MED24: variants seen among roughly 807,000 people sequenced by gnomAD.
MED24 encodes mediator of RNA polymerase II transcription subunit 24.
Under a neutral mutation model 118.8 loss-of-function variants are expected in MED24, and 74 were observed. That is an observed-to-expected ratio of 0.62 (90% CI 0.52 to 0.76). The LOEUF (loss-of-function observed/expected upper bound fraction) is 0.76, where lower values mean the gene tolerates loss of function less well. Among genes scored for constraint, MED24 ranks in the 30% least tolerant of loss-of-function variants. The pLI, the probability that MED24 is intolerant of heterozygous loss-of-function variation, is 0.00. For synonymous variants in MED24, 521 were observed against 523.9 expected, an observed-to-expected ratio of 0.99 and a Z score of 0.08; for missense variants, 1,041 against 1,278.9, an observed-to-expected ratio of 0.81 and a Z score of 2.84.
intron 19 of MED24, 68 bp downstream of exon 19, chr17:40,026,088 T>C (rs1982613929): frequency 6.6e-7 from 1 of 1,505,046 alleles, no homozygotes; most frequent in Admixed American, 1.9e-5. Context: ...GAGGGGTGCT[T>C]GTTATTGGAT....
intron 14 of MED24, 136 bp from the exon 15 acceptor site, chr17:40,028,082 T>C: frequency 5.5e-6 from 5 of 902,476 alleles, no homozygotes; most frequent in African/African-American, 1.7e-5. Context: ...CACATTGCTA[T>C]AGAAAAAAGG....
chr17:40,035,464 T>A, intron 5 of MED24, 115 bp from the exon 6 acceptor site: 1 of 1,181,886 alleles, frequency 8.5e-7, no homozygotes, highest in Non-Finnish European at 1.2e-6. Context: ...GCTGAGAAGC[T>A]AGCAAAGTCC....
intron 3 of MED24, among the ~76,000 whole-genome samples, chr17:40,043,986 G>A (rs1322852893): frequency 2.6e-5 from 4 of 151,172 alleles, no homozygotes; most frequent in Admixed American, 6.6e-5. Flanking sequence ...AAGATTAGCC[G>A]GGCGTGGTGG....
At chr17:40,052,152 G>T (rs1472787005) in intron 3 of MED24, among the ~76,000 whole-genome samples, 1 of 152,064 alleles carries the variant, frequency 6.6e-6, no homozygotes, top group South Asian at 2.1e-4. Flanking sequence ...AATTAGCCAG[G>T]CGTGATGGCA....
intron 9 of MED24, 119 bp downstream of exon 9, chr17:40,032,530 T>A (rs548907142): frequency 2.2e-4 from 157 of 714,138 alleles, no homozygotes; most frequent in Admixed American, 5.7e-4. Context: ...TGCACTGGAA[T>A]ACCTGGCAGG....
chr17:40,046,553 G>A (rs1276426745), intron 3 of MED24, among the ~76,000 whole-genome samples: 3 of 145,762 alleles, frequency 2.1e-5, no homozygotes, highest in Admixed American at 6.9e-5. Flanking sequence ...AGACCATCCC[G>A]GCTAAAACGG....
chr17:40,050,993 G>T (rs1298362804), intron 3 of MED24, among the ~76,000 whole-genome samples: 2 of 152,184 alleles, frequency 1.3e-5, no homozygotes, highest in Non-Finnish European at 2.9e-5. Context: ...AAAATTAGCC[G>T]GGTGTAATGG....
At position 40,023,239 on chromosome 17, in the gene MED24, A is replaced by G. The variant is rs2302777; in HGVS notation, c.2142T>C (p.Ile714=). Residue 714 remains isoleucine, a synonymous_variant, in exon 20 of 26, where the codon ATT becomes ATC. Transcript: ENST00000394128. ...AGCCCTTCTCCAGCACCTTGGCAAA[A>G]ATGTCCGTCAGCACCTCTTTGATGG... The part of the protein sequence containing the change: ...KRPIKEVLTD[I]FAKVLEKGWV... 601,109 of 1,613,750 alleles carry G rather than the reference A, an allele frequency of 0.37. 116,448 individuals are homozygous for G. Among genetic ancestry groups the G allele is most frequent in the Middle Eastern group, 0.51 (3,088 of 6,060 alleles).
In MED24 at chr17:40,020,180, G is replaced by T. The variant is rs1229730737; in HGVS notation, c.2704+93C>A. 4.7e-6 allele frequency: 6 copies of T among 1,272,640 alleles called. No homozygotes were observed. The Admixed American group carries it at 1.0e-4, about 22-fold the overall frequency. 78.8% of individuals were successfully genotyped at this position (1,272,640 alleles called of 1,614,324 possible). A position where few individuals can be genotyped will look rare whatever the true frequency, so the allele number is the denominator to read the frequency against. ...AGAGGGAAGGGAGGGGCACCGCAAG[G>T]CCCCTTCCAGCTGACAAGGTCTCCC... On this transcript the variant is annotated intron_variant, in intron 24 of 25. Coordinates refer to ENST00000394128, the MANE Select transcript of MED24 (RefSeq NM_014815.4).
At chr17:40,040,764 A>AT (rs1984479805) in intron 3 of MED24, among the ~76,000 whole-genome samples, 1 of 151,920 alleles carries the variant, frequency 6.6e-6, no homozygotes, top group African/African-American at 2.4e-5. Flanking sequence ...GATTACAGGC[A>AT]TGCACCACCA....
Position 40,033,066 on chromosome 17 carries a change from T to C in MED24, c.812A>G (p.Lys271Arg). The C allele has an allele frequency of 6.2e-7, 1 of 1,613,962 alleles. No individual in the cohort carries two copies. The change falls in exon 8 of 26, where the codon AAG becomes AGG. Residue 271 changes from lysine (K) to arginine (R), a missense_variant. By Grantham distance (26) the Lys-to-Arg change is conservative. Around this residue, in one of 3 missense-constraint regions of MED24, gnomAD observed 434 missense variants for 514.9 expected, o/e 0.84. Coordinates refer to ENST00000394128, the MANE Select transcript of MED24 (RefSeq NM_014815.4). This position sits in a 1 kb window ranked among gnomAD's most constrained non-coding sequence, Gnocchi z 5.2. ...QSLVEQLTMV[K>R]RMQHIPTPLF... ...CTCGGCCCCTCCCACCTGCATGCGC[T>C]TCACCATCGTCAGCTGCTCCACCAG...
At chr17:40,022,092 C>A (rs1307283784) in intron 22 of MED24, 38 bp from the exon 23 acceptor site, 1 of 1,442,118 alleles carries the variant, frequency 6.9e-7, no homozygotes. Context: ...CACCCCTAAA[C>A]CCCCCAGTTT....
chr17:40,053,012 C>T (rs988745915), intron 3 of MED24, among the ~76,000 whole-genome samples: 6 of 152,162 alleles, frequency 3.9e-5, no homozygotes, highest in Non-Finnish European at 2.9e-5. Flanking sequence ...TGGCTCATTG[C>T]AGTCTCGACC....
Position 40,032,757 on chromosome 17 carries a change from G to A in MED24, c.828C>T (p.Ile276=). The change falls in exon 9 of 26, where the codon ATC becomes ATT. Residue 276 remains isoleucine (I), a synonymous_variant. Transcript: ENST00000394128. ...QLTMVKRMQH[I]PTPLFVLEIW... is the part of the protein sequence containing the mutation. ...TCTCCAGGACAAAAAGTGGGGTGGG[G>A]ATATGCTGTGGGAAGAGCCAAGGAT... 6.2e-7 allele frequency: 1 copy of A among 1,613,354 alleles called. No homozygotes were observed.
chr17:40,026,790 G>A, intron 17 of MED24, 44 bp from the exon 18 acceptor site: 1 of 1,611,224 alleles, frequency 6.2e-7, no homozygotes, highest in East Asian at 2.2e-5. Context: ...CAAGGAACGG[G>A]CTCAGGGAGC....
At chr17:40,043,833 G>C (rs187698191) in intron 3 of MED24, among the ~76,000 whole-genome samples, 1 of 146,576 alleles carries the variant, frequency 6.8e-6, no homozygotes, top group African/African-American at 2.5e-5. Flanking sequence ...GGAGCTTGCA[G>C]TGAACCGAGA....
In MED24 at chr17:40,019,844, C is replaced by T. The variant is rs928739125; in HGVS notation, c.2794G>A (p.Val932Met). 8.1e-6 allele frequency: 13 copies of T among 1,598,014 alleles called. No individual in the cohort carries two copies. Among genetic ancestry groups the T allele is most frequent in the Non-Finnish European group, 1.1e-5 (13 of 1,172,004 alleles). ...QFVQWFMEEC[V>M]DCLEQGGRGS... ...CGGCCACCCTGCTCCAGGCAGTCCA[C>T]ACACTCCTCCATGAACCACTGCACG... Residue 932 changes from valine to methionine, a missense_variant, in exon 25 of 26, where the codon GTG becomes ATG. Val to Met is a conservative substitution (Grantham distance 21). Around this residue, in one of 3 missense-constraint regions of MED24, gnomAD observed 587 missense variants for 694.4 expected, o/e 0.85. Transcript: ENST00000394128.
chr17:40,025,032 G>A (rs372717500), intron 19 of MED24, among the ~76,000 whole-genome samples: 3 of 152,124 alleles, frequency 2.0e-5, no homozygotes, highest in Admixed American at 6.5e-5. Flanking sequence ...CACCACGCCC[G>A]GCCCACAACA....
At position 40,022,406 on chromosome 17, in the gene MED24, G is replaced by T. The variant is rs552966224; in HGVS notation, c.2511C>A (p.Arg837=). The T allele has an allele frequency of 8.1e-6, 13 of 1,609,582 alleles. No homozygotes were observed. The highest frequency in any genetic ancestry group is 1.1e-5 in the South Asian group (1 of 90,064). ...QASTRQKKRH[R]EDIEDYISLF... ...CTGGGGGGCCTACCTCAATGTCTTCGCGGTGTCTCTTCTTCTGGCGGGTGG... is the reference window on the plus strand; with the variant it reads ...CTGGGGGGCCTACCTCAATGTCTTCTCGGTGTCTCTTCTTCTGGCGGGTGG... Residue 837 remains arginine (R), a synonymous_variant, in exon 22 of 26, where the codon CGC becomes CGA. Coordinates refer to ENST00000394128, the MANE Select transcript of MED24 (RefSeq NM_014815.4).
Sources: gnomAD v4.1 joint callset for allele counts (sites outside exome capture counted in the v4.1 genomes callset) on GRCh38, gnomAD v4.1.1 for gene constraint, gnomAD v4.1.1 regional missense constraint, Gnocchi (gnomAD v3.1) non-coding constraint, MANE v1.5 for transcripts, NCBI Gene and HGNC (gene_info 2026-07-23, HGNC 2026-07-21) for gene names.